The following XPNPEP2 variants were observed in gnomAD, a reference collection of about 807,000 sequenced individuals.
XPNPEP2 encodes xaa-Pro aminopeptidase 2.
Under a neutral mutation model 59.8 loss-of-function variants are expected in XPNPEP2, and 64 were observed. That is an observed-to-expected ratio of 1.07 (90% CI 0.87 to 1.32). The LOEUF (loss-of-function observed/expected upper bound fraction) is 1.32. Ranked by LOEUF, XPNPEP2 falls within the 40% of genes most tolerant of loss-of-function variation. The pLI is 0.00. For synonymous variants in XPNPEP2, 235 were observed against 210.0 expected (o/e 1.12, Z -1.03); for missense variants, 575 against 546.8 (o/e 1.05, Z -0.51).
rs749570817 is a variant in XPNPEP2 at position 129,755,363 on chromosome X, C to CCACT, written c.1288_1291dup (p.Tyr431SerfsTer16). 1 of 1,211,118 alleles carries CCACT rather than the reference C, an allele frequency of 8.3e-7. No homozygotes were observed. The highest frequency in any genetic ancestry group is 3.0e-5 in the East Asian group (1 of 33,851). ...CTAGTGGTCTGAATGCTGCCCTGGC[C>CCACT]CACTACAGGTACTTGAGGAAAAAGA... On this transcript the variant is annotated frameshift_variant, in exon 13 of 21. Transcript: ENST00000371106. LOFTEE classifies it high-confidence loss of function.
At chrX:129,756,882 G>C (rs746555467) in intron 14 of XPNPEP2, among the ~76,000 whole-genome samples, 4 of 105,764 alleles carry the variant, frequency 3.8e-5, no homozygotes, top group Non-Finnish European at 7.7e-5. Context: ...CCCAGGTTTG[G>C]AGTGCAGTGG....
In XPNPEP2 at chrX:129,750,526, G is replaced by T. The variant is rs41311662; in HGVS notation, c.696G>T (p.Lys232Asn). The T allele has an allele frequency of 7.1e-3, 8,467 of 1,194,185 alleles. 38 individuals carry two copies. Among genetic ancestry groups the T allele is most frequent in the Non-Finnish European group, 8.8e-3 (7,780 of 887,469 alleles). ...GVRSQMQKHQ[K>N]VPTAVLLSAL... ...GAAGCCAGATGCAGAAGCATCAAAAGGTCCCGACTGCCGTCCTTCTGTCGG... is the reference window on the plus strand; with the variant it reads ...GAAGCCAGATGCAGAAGCATCAAAATGTCCCGACTGCCGTCCTTCTGTCGG... Residue 232 changes from lysine (K) to asparagine (N), a missense_variant, in exon 8 of 21, where the codon AAG becomes AAT. Lys to Asn is a moderately conservative substitution (Grantham distance 94). Coordinates refer to ENST00000371106, the MANE Select transcript of XPNPEP2 (RefSeq NM_003399.6).
chrX:129,739,981 C>G (rs1926142835), intron 1 of XPNPEP2, among the ~76,000 whole-genome samples: 1 of 112,578 alleles, frequency 8.9e-6, no homozygotes, highest in Non-Finnish European at 1.9e-5. Flanking sequence ...AGGGCCTGAT[C>G]AGTCACTCAA....
At chrX:129,756,776 C>A (rs915618855) in intron 14 of XPNPEP2, among the ~76,000 whole-genome samples, 2 of 109,762 alleles carry the variant, frequency 1.8e-5, no homozygotes, top group Non-Finnish European at 3.8e-5. Context: ...CCAGGCAGCA[C>A]CTCTGTGGGA....
In XPNPEP2 at chrX:129,745,234, G is replaced by A. The variant is rs371093861; in HGVS notation, c.266G>A (p.Arg89His). The A allele has an allele frequency of 5.0e-5, 61 of 1,209,710 alleles. No homozygotes were observed. The highest frequency in any genetic ancestry group is 6.6e-5 in the Admixed American group (3 of 45,732). Residue 89 changes from arginine to histidine, a missense_variant, in exon 4 of 21, where the codon CGT (arginine) becomes CAT (histidine). By Grantham distance (29) the Arg-to-His change is conservative. Transcript: ENST00000371106. ...NEYIGQHDER[R>H]AWITGFTGSA... ...TACATCGGCCAACATGACGAGAGGCGTGCGTGGATTACAGGCTTTACAGGG... is the reference window on the plus strand; with the variant it reads ...TACATCGGCCAACATGACGAGAGGCATGCGTGGATTACAGGCTTTACAGGG...
At chrX:129,761,100 A>C in intron 16 of XPNPEP2, 72 bp from the exon 17 acceptor site, 2 of 1,055,059 alleles carry the variant, frequency 1.9e-6, no homozygotes, top group Admixed American at 4.7e-5. Context: ...TCTGATAGTG[A>C]AGCAAGAAGG....
chrX:129,747,628 T>C lies in XPNPEP2; in HGVS notation c.512T>C (p.Leu171Pro). 1 of 1,211,989 alleles carries C rather than the reference T, an allele frequency of 8.3e-7. No homozygotes were observed. Among genetic ancestry groups the C allele is most frequent in the Non-Finnish European group, 1.1e-6 (1 of 895,631 alleles). The change falls in exon 7 of 21, where the codon CTG (leucine) becomes CCG (proline). Residue 171 changes from leucine to proline, a missense_variant. Transcript: ENST00000371106. ...LSIDTWESYDLALQGSNRQLV... is the reference protein window; with the variant it reads ...LSIDTWESYDPALQGSNRQLV... ...GCAGACACCTGGGAGAGTTATGATC[T>C]GGCCCTCCAAGGCTCTAACAGACAG...
At chrX:129,765,177 A>G (rs1284646732) in intron 19 of XPNPEP2, among the ~76,000 whole-genome samples, 2 of 111,273 alleles carry the variant, frequency 1.8e-5, no homozygotes, top group East Asian at 5.6e-4. Flanking sequence ...TAAACCTAGG[A>G]GAGTGGTCTG....
chrX:129,757,836 A>AAAGAAAG (rs1556393819), intron 14 of XPNPEP2, among the ~76,000 whole-genome samples: 14 of 89,293 alleles, frequency 1.6e-4, no homozygotes, highest in Non-Finnish European at 2.6e-4. Flanking sequence ...AGAAAGAAAG[A>AAAGAAAG]AAGAAAGAAA....
chrX:129,740,628 C>CAA (rs369336961), intron 1 of XPNPEP2, among the ~76,000 whole-genome samples: 36 of 81,820 alleles, frequency 4.4e-4, no homozygotes, highest in African/African-American at 1.6e-3. Context: ...GACTCCATCT[C>CAA]AAAAAAAAAA....
chrX:129,751,752 C>A lies in XPNPEP2; in HGVS notation c.747C>A (p.Phe249Leu). ...LSALEETAWL[F>L]NLRASDIPYN... ...TGTCAATTCTCTTCCCAGGGCTCTT[C>A]AACCTTCGAGCCAGTGACATCCCCT... The change falls in exon 9 of 21, where the codon TTC becomes TTA. Residue 249 changes from phenylalanine to leucine, a missense_variant. Physicochemically the swap from Phe to Leu is conservative, Grantham distance 22 (BLOSUM62 0). Transcript: ENST00000371106. 1 of 1,209,526 alleles carries A rather than the reference C, an allele frequency of 8.3e-7. No homozygotes were observed. The highest frequency in any genetic ancestry group is 1.1e-6 in the Non-Finnish European group (1 of 893,566).
chrX:129,740,651 C>T (rs1926157898), intron 1 of XPNPEP2, among the ~76,000 whole-genome samples: 1 of 101,696 alleles, frequency 9.8e-6, no homozygotes, highest in African/African-American at 3.7e-5. Context: ...AATGCGGGCG[C>T]GGGGGGCGTT....
At chrX:129,744,780 A>G (rs1926263417) in intron 3 of XPNPEP2, among the ~76,000 whole-genome samples, 1 of 112,353 alleles carries the variant, frequency 8.9e-6, no homozygotes, top group South Asian at 3.6e-4. Flanking sequence ...GATAATGTGT[A>G]AAGCCCTTTG....
rs1926803895 is a variant in XPNPEP2, at chrX:129,768,889, G to C, written c.*404G>C. On this transcript the variant is annotated 3_prime_UTR_variant, in exon 21 of 21. Transcript: ENST00000371106. The stretch of plus-strand genomic sequence containing the variant: ...CCACCCAAGGGTGCCATGGTCCCGG[G>C]AGAGCCCAAACCTATCACCACCTGT... The C allele has an allele frequency of 8.4e-6, 1 of 119,444 alleles. No homozygotes were observed. The highest frequency in any genetic ancestry group is 3.2e-5 in the African/African-American group (1 of 30,842). The allele number at this position is 119,444 out of a possible 1,213,427, so 9.8% of individuals were successfully genotyped here.
At chrX:129,754,389 T>G (rs1926477102) in intron 11 of XPNPEP2, 83 bp from the exon 12 acceptor site, 1 of 866,069 alleles carries the variant, frequency 1.2e-6, no homozygotes, top group Admixed American at 4.0e-5. Context: ...CTGGAGCCGC[T>G]ATCTGATCTC....
In XPNPEP2 at chrX:129,743,253, C is replaced by T. The variant is rs184927673; in HGVS notation, c.124-708C>T. Among the ~76,000 whole-genome samples the T allele has an allele frequency of 8.0e-5, 9 of 112,319 alleles. No individual in the cohort carries two copies. The East Asian group carries it at 2.0e-3, about 24-fold the overall frequency. ...ACAGCACAAACGGAAACATGCTTTT[C>T]GTTTTAAAGCTAAAATGACCTGTAA... On this transcript the variant is annotated intron_variant, in intron 2 of 20. Transcript: ENST00000371106.
chrX:129,750,615 A>G (rs1044856225), intron 8 of XPNPEP2, 46 bp downstream of exon 8: 19 of 1,063,620 alleles, frequency 1.8e-5, no homozygotes, highest in Admixed American at 2.7e-5. Flanking sequence ...GGTCTCCCCA[A>G]TGCCCCAAGC....
At chrX:129,756,121 C>T (rs766617064) in intron 13 of XPNPEP2, among the ~76,000 whole-genome samples, 3 of 112,646 alleles carry the variant, frequency 2.7e-5, no homozygotes, top group Non-Finnish European at 3.8e-5. Context: ...AGCTCTTTGC[C>T]GCTTTACCGC....
chrX:129,742,631 G>GCC (rs1350160773), intron 2 of XPNPEP2, among the ~76,000 whole-genome samples: 466 of 111,831 alleles, frequency 4.2e-3, no homozygotes, highest in Non-Finnish European at 6.9e-3. Context: ...GCCGAGCACG[G>GCC]TGGCTGACGC....
Sources: gnomAD v4.1 joint callset for allele counts (sites outside exome capture counted in the v4.1 genomes callset) on GRCh38, gnomAD v4.1.1 for gene constraint, MANE v1.5 for transcripts, NCBI Gene and HGNC (gene_info 2026-07-23, HGNC 2026-07-21) for gene names.